Variants in CCDC149 observed in about 807,000 individuals in gnomAD.
The protein encoded by CCDC149 is coiled-coil domain containing 149.
Under a neutral mutation model 59.9 loss-of-function variants are expected in CCDC149, and 45 were observed. That is an observed-to-expected ratio of 0.75 (90% CI 0.59 to 0.96). CCDC149 has a LOEUF of 0.96. Ranked by LOEUF, CCDC149 falls within the 40% of genes least tolerant of loss-of-function variation. The pLI is 0.00. For missense variants in CCDC149, 584 were observed against 664.7 expected (o/e 0.88, Z 1.33); for synonymous variants, 245 against 260.6 (o/e 0.94, Z 0.58).
intron 12 of CCDC149, among the ~76,000 whole-genome samples, chr4:24,811,591 G>A (rs1316454843): frequency 6.6e-6 from 1 of 152,090 alleles, no homozygotes; most frequent in African/African-American, 2.4e-5. Flanking sequence ...ATTTCACTGG[G>A]GCCAGGCACA....
chr4:24,905,538 T>G (rs1721447689), intron 1 of CCDC149, among the ~76,000 whole-genome samples: 1 of 151,190 alleles, frequency 6.6e-6, no homozygotes, highest in South Asian at 2.1e-4. Flanking sequence ...TGGGTTCAAG[T>G]GATTCTCCTG....
In CCDC149 at chr4:24,808,393, G is replaced by T; in HGVS notation, c.1619C>A (p.Thr540Asn). 1 of 1,449,178 alleles carries T rather than the reference G, an allele frequency of 6.9e-7. No homozygotes were observed. The highest frequency in any genetic ancestry group is 1.5e-5 in the South Asian group (1 of 65,604). 89.8% of individuals were successfully genotyped at this position (1,449,178 alleles called of 1,614,324 possible). ...TGTGTCAGATCCCTCTCCCCTTCAG[G>T]TTTTCACGGTGCTCCTCATGCCTCC... Residue 540 changes from threonine to asparagine, a missense_variant, in exon 13 of 13, where the codon ACC becomes AAC. By Grantham distance (65) the Thr-to-Asn change is moderately conservative (BLOSUM62 0). Coordinates refer to ENST00000635206, the MANE Select transcript of CCDC149 (RefSeq NM_001330643.2).
At chr4:24,825,032 G>T (rs1299437865) in intron 9 of CCDC149, among the ~76,000 whole-genome samples, 2 of 152,184 alleles carry the variant, frequency 1.3e-5, no homozygotes, top group Non-Finnish European at 2.9e-5. Flanking sequence ...GAGAAGAGGG[G>T]CTATTTACAT....
rs542410467 is a variant in CCDC149 at position 24,942,934 on chromosome 4, G to A, written c.-65+37135C>T. Among the ~76,000 whole-genome samples the A allele has an allele frequency of 2.5e-3, 385 of 151,752 alleles. 3 individuals carry two copies. The highest frequency in any genetic ancestry group is 8.8e-3 in the African/African-American group (364 of 41,264). On this transcript the variant is annotated intron_variant, in intron 1 of 12. Coordinates refer to the CCDC149 transcript ENST00000389609. The stretch of plus-strand genomic sequence containing the variant: ...AATGGAAGAACATTCCATGCTCATG[G>A]GTAGGAAGAATCAATATCGTGAAAA...
intron 1 of CCDC149, among the ~76,000 whole-genome samples, chr4:24,935,986 G>T (rs2109344933): frequency 6.6e-6 from 1 of 152,256 alleles, no homozygotes; most frequent in African/African-American, 2.4e-5. Flanking sequence ...GAAAGAGAAT[G>T]ATGTCCAGGA....
intron 12 of CCDC149, among the ~76,000 whole-genome samples, 171 bp downstream of exon 12, chr4:24,819,680 GCATTTAAA>G (rs762517619): frequency 9.8e-5 from 15 of 152,296 alleles, no homozygotes; most frequent in Non-Finnish European, 2.1e-4. Flanking sequence ...CCTGCATGCT[GCATTTAAA>G]ACCTCCCAAC....
chr4:24,946,533 G>A (rs6833916), intron 1 of CCDC149, among the ~76,000 whole-genome samples: 4 of 151,980 alleles, frequency 2.6e-5, no homozygotes, highest in African/African-American at 7.3e-5. Context: ...AACAAATGGC[G>A]GGTACTTGGT....
chr4:24,875,881 T>C (rs1254242685), intron 2 of CCDC149, among the ~76,000 whole-genome samples: 2 of 152,216 alleles, frequency 1.3e-5, no homozygotes, highest in South Asian at 2.1e-4. Flanking sequence ...CAGTCACACA[T>C]ACAGTAGTCC....
At chr4:24,815,399 C>T (rs555668053) in intron 12 of CCDC149, among the ~76,000 whole-genome samples, 1 of 152,238 alleles carries the variant, frequency 6.6e-6, no homozygotes, top group South Asian at 2.1e-4. Flanking sequence ...ACATGAGAAA[C>T]AGCGGGTCAA....
At chr4:24,890,993 T>C (rs1720492055) in intron 1 of CCDC149, among the ~76,000 whole-genome samples, 1 of 152,264 alleles carries the variant, frequency 6.6e-6, no homozygotes, top group Admixed American at 6.5e-5. Flanking sequence ...AATTTCCGCC[T>C]GCAGCATGCA....
intron 1 of CCDC149, among the ~76,000 whole-genome samples, chr4:24,880,277 G>C (rs933515717): frequency 1.3e-5 from 2 of 152,234 alleles, no homozygotes; most frequent in Non-Finnish European, 2.9e-5. Context: ...TTGTAGCCTA[G>C]GAGCAACAGG....
At chr4:24,936,467 G>T (rs1242571940) in intron 1 of CCDC149, among the ~76,000 whole-genome samples, 2 of 152,060 alleles carry the variant, frequency 1.3e-5, no homozygotes, top group Non-Finnish European at 2.9e-5. Context: ...GGGATATAAT[G>T]TAATGTTTCA....
At chr4:24,839,517 A>T (rs1239852439) in intron 4 of CCDC149, among the ~76,000 whole-genome samples, 1 of 152,224 alleles carries the variant, frequency 6.6e-6, no homozygotes, top group Non-Finnish European at 1.5e-5. Context: ...TCACTGCATG[A>T]ATTTCATAAT....
intron 1 of CCDC149, among the ~76,000 whole-genome samples, chr4:24,877,500 T>TA (rs988626945): frequency 7.6e-4 from 113 of 148,634 alleles, no homozygotes; most frequent in African/African-American, 1.4e-3. Context: ...GTTTTTATTG[T>TA]AAAAAAAAAA....
chr4:24,844,915 A>C (rs529574640), intron 4 of CCDC149, among the ~76,000 whole-genome samples: 1 of 152,284 alleles, frequency 6.6e-6, no homozygotes, highest in Admixed American at 6.5e-5. Context: ...TCACCCATTT[A>C]AGTCCACCAA....
intron 12 of CCDC149, among the ~76,000 whole-genome samples, chr4:24,813,500 A>C (rs1181563914): frequency 3.9e-4 from 7 of 18,146 alleles, no homozygotes; most frequent in African/African-American, 8.9e-4. Flanking sequence ...ATATATATAT[A>C]TATATATATA....
intron 1 of CCDC149, among the ~76,000 whole-genome samples, chr4:24,918,225 G>T (rs1205132936): frequency 6.6e-6 from 1 of 152,150 alleles, no homozygotes; most frequent in African/African-American, 2.4e-5. Context: ...CTAGTGAAAT[G>T]ACAGAAATGA....
At chr4:24,924,591 G>C (rs965596957) in intron 1 of CCDC149, among the ~76,000 whole-genome samples, 9 of 152,204 alleles carry the variant, frequency 5.9e-5, no homozygotes, top group Non-Finnish European at 5.9e-5. Flanking sequence ...CAGCTAAAAT[G>C]CCTTACATGT....
chr4:24,868,298 CTG>C (rs1465024777), intron 3 of CCDC149, among the ~76,000 whole-genome samples: 1 of 152,154 alleles, frequency 6.6e-6, no homozygotes, highest in Non-Finnish European at 1.5e-5. Context: ...CCTCCCCATG[CTG>C]AACTATGAAG....
Sources: allele counts gnomAD v4.1 joint callset (sites outside exome capture counted in the v4.1 genomes callset), GRCh38; gene constraint gnomAD v4.1.1; transcripts MANE v1.5; gene names NCBI Gene and HGNC (gene_info 2026-07-23, HGNC 2026-07-21).